KIT: variants seen among roughly 807,000 people sequenced by gnomAD.
KIT encodes mast/stem cell growth factor receptor Kit.
A neutral mutation model predicts 105.7 loss-of-function variants in KIT; 16 were observed. The observed-to-expected ratio is 0.15, with a 90% CI of 0.10 to 0.23. The LOEUF is 0.23. KIT is among the 10% of genes least tolerant of loss of function. The pLI is 1.00. For synonymous variants in KIT, 438 were observed against 441.1 expected (o/e 0.99, Z 0.09); for missense variants, 858 against 1,213.8 (o/e 0.71, Z 4.36).
intron 7 of KIT, among the ~76,000 whole-genome samples, chr4:54,715,662 G>A (rs1359639902): frequency 6.6e-6 from 1 of 152,132 alleles, no homozygotes; most frequent in Non-Finnish European, 1.5e-5. Context: ...TGAAAGATCT[G>A]TCCCCATGAC....
intron 1 of KIT, among the ~76,000 whole-genome samples, chr4:54,664,495 T>C (rs1717535877): frequency 6.6e-6 from 1 of 152,166 alleles, no homozygotes; most frequent in South Asian, 2.1e-4. Flanking sequence ...GTTCCAATAG[T>C]CTGACGAAGC....
Position 54,699,833 on chromosome 4 carries a change from AAG to A in KIT, c.756+70_756+71del, listed in dbSNP as rs1287663302. On this transcript the variant is annotated intron_variant, in intron 4 of 20. Coordinates refer to ENST00000288135, the MANE Select transcript of KIT (RefSeq NM_000222.3). Reference sequence around the variant, plus strand: ...GGAGATGATAAGTTTTCTCTTTCAGAAGAGTCTGTCCTGAAACTGCCTCGACT... The same window carrying A: ...GGAGATGATAAGTTTTCTCTTTCAGAAGTCTGTCCTGAAACTGCCTCGACT... The A allele has an allele frequency of 2.9e-5, 46 of 1,579,584 alleles. No individual in the cohort carries two copies. In the East Asian group the frequency reaches 1.0e-3, roughly 35 times the overall value.
At chr4:54,714,366 GT>G (rs5858291) in intron 7 of KIT, among the ~76,000 whole-genome samples, 57,999 of 150,896 alleles carry the variant, frequency 0.38, 11,926 homozygotes, top group Middle Eastern at 0.56. Flanking sequence ...ACACAATGAG[GT>G]TTTTTTTTGC....
intron 6 of KIT, among the ~76,000 whole-genome samples, chr4:54,708,689 C>T (rs561365830): frequency 6.6e-6 from 1 of 152,302 alleles, no homozygotes; most frequent in East Asian, 1.9e-4. Context: ...AGAGAGTGGG[C>T]TGCCCAGGGA....
At chr4:54,713,342 A>G (rs985909037) in intron 7 of KIT, among the ~76,000 whole-genome samples, 5 of 152,032 alleles carry the variant, frequency 3.3e-5, no homozygotes, top group Non-Finnish European at 5.9e-5. Flanking sequence ...CTCGTGAGGT[A>G]GGATTTTTTT....
At chr4:54,670,064 A>T (rs1436056493) in intron 1 of KIT, among the ~76,000 whole-genome samples, 1 of 152,150 alleles carries the variant, frequency 6.6e-6, no homozygotes, top group African/African-American at 2.4e-5. Context: ...TCTTGATTCA[A>T]CAGGTGTTTT....
intron 4 of KIT, among the ~76,000 whole-genome samples, chr4:54,702,825 A>G (rs1720536909): frequency 6.6e-6 from 1 of 152,140 alleles, no homozygotes; most frequent in Non-Finnish European, 1.5e-5. Flanking sequence ...TAACTCTATT[A>G]GGTTTACCAA....
chr4:54,683,937 T>C (rs1242288220), intron 1 of KIT, among the ~76,000 whole-genome samples: 1 of 152,142 alleles, frequency 6.6e-6, no homozygotes. Context: ...GAGAATGAAG[T>C]CTGTCTGATT....
rs1578008242 is a variant in KIT at position 54,737,177 on chromosome 4, A to G, written c.2699A>G (p.Tyr900Cys). The G allele has an allele frequency of 6.2e-6, 10 of 1,606,576 alleles. No homozygotes were observed. The highest frequency in any genetic ancestry group is 8.5e-6 in the Non-Finnish European group (10 of 1,173,138). Residue 900 changes from tyrosine to cysteine, a missense_variant and splice_region_variant, in exon 20 of 21, where the codon TAT becomes TGT. Physicochemically the swap from Tyr to Cys is radical, Grantham distance 194 (BLOSUM62 -2). Coordinates refer to ENST00000288135, the MANE Select transcript of KIT (RefSeq NM_000222.3). ...LSPEHAPAEM[Y>C]DIMKTCWDAD... ...AGTAAATGGCCCTTGTCTTGCAGGTATGACATAATGAAGACTTGCTGGGAT... is the reference window on the plus strand; with the variant it reads ...AGTAAATGGCCCTTGTCTTGCAGGTGTGACATAATGAAGACTTGCTGGGAT...
intron 7 of KIT, among the ~76,000 whole-genome samples, chr4:54,721,121 A>C (rs1223361854): frequency 6.6e-6 from 1 of 152,158 alleles, no homozygotes; most frequent in Admixed American, 6.5e-5. Context: ...AAGTATACTC[A>C]ATCAGTAAGA....
intron 15 of KIT, 116 bp from the exon 16 acceptor site, chr4:54,731,755 C>G: frequency 9.3e-7 from 1 of 1,073,874 alleles, no homozygotes. Context: ...AGTGATCTGC[C>G]TGCAAGTTCA....
chr4:54,730,785 G>T (rs190631733), intron 14 of KIT, among the ~76,000 whole-genome samples: 48 of 152,274 alleles, frequency 3.2e-4, no homozygotes. Context: ...TAGAAATCTT[G>T]AAGAGTCTCC....
At chr4:54,725,315 G>A (rs1311724528) in intron 8 of KIT, among the ~76,000 whole-genome samples, 2 of 152,158 alleles carry the variant, frequency 1.3e-5, no homozygotes, top group Non-Finnish European at 2.9e-5. Context: ...ATGTTGGCCA[G>A]TCTGGTCTTG....
intron 6 of KIT, among the ~76,000 whole-genome samples, 192 bp downstream of exon 6, chr4:54,707,479 C>A (rs892539214): frequency 6.6e-6 from 1 of 152,162 alleles, no homozygotes; most frequent in Non-Finnish European, 1.5e-5. Flanking sequence ...CTCTTGCACA[C>A]GCATGCACAC....
chr4:54,685,190 C>T (rs1288297923), intron 1 of KIT, among the ~76,000 whole-genome samples: 5 of 152,146 alleles, frequency 3.3e-5, no homozygotes, highest in Admixed American at 2.6e-4. Flanking sequence ...GTCTCCACTC[C>T]CTCCCTGGGG....
At chr4:54,726,660 C>T (rs188058534) in intron 9 of KIT, among the ~76,000 whole-genome samples, 10 of 152,018 alleles carry the variant, frequency 6.6e-5, no homozygotes, top group Non-Finnish European at 1.3e-4. Flanking sequence ...TTGTTGTTTT[C>T]GTTTTTTGAG....
intron 7 of KIT, among the ~76,000 whole-genome samples, chr4:54,716,593 A>G (rs868092811): frequency 8.5e-5 from 13 of 152,172 alleles, no homozygotes; most frequent in Admixed American, 2.0e-4. Flanking sequence ...AAGCATTGTG[A>G]ATATCTTTCT....
At chr4:54,711,569 A>G (rs1721160642) in intron 7 of KIT, among the ~76,000 whole-genome samples, 1 of 152,178 alleles carries the variant, frequency 6.6e-6, no homozygotes, top group Non-Finnish European at 1.5e-5. Context: ...ATTACATAGC[A>G]TTTCTCTGGT....
In KIT at chr4:54,698,337, G is replaced by A. The variant is rs1044091916; in HGVS notation, c.391G>A (p.Asp131Asn). 3.9e-5 allele frequency: 63 copies of A among 1,613,938 alleles called. No individual in the cohort carries two copies. The highest frequency in any genetic ancestry group is 4.8e-5 in the Non-Finnish European group (57 of 1,179,994). ...DRSLYGKEDN[D>N]TLVRCPLTDP... The stretch of plus-strand genomic sequence containing the variant: ...CTCCTTGTATGGGAAAGAAGACAAC[G>A]ACACGCTGGTCCGCTGTCCTCTCAC... Residue 131 changes from aspartate to asparagine, a missense_variant, in exon 3 of 21, where the codon GAC becomes AAC. Around this residue, in one of 7 missense-constraint regions of KIT, gnomAD observed 401 missense variants for 601.0 expected, o/e 0.67. Transcript: ENST00000288135.
Sources: gnomAD v4.1 joint callset for allele counts (sites outside exome capture counted in the v4.1 genomes callset) on GRCh38, gnomAD v4.1.1 for gene constraint, gnomAD v4.1.1 regional missense constraint, MANE v1.5 for transcripts, NCBI Gene and HGNC (gene_info 2026-07-23, HGNC 2026-07-21) for gene names.